Variants in ARMC1 observed in about 807,000 individuals in gnomAD.
ARMC1 encodes armadillo repeat-containing protein 1.
A neutral mutation model predicts 31.4 loss-of-function variants in ARMC1; 16 were observed. The observed-to-expected ratio is 0.51, with a 90% CI of 0.34 to 0.77. The LOEUF (loss-of-function observed/expected upper bound fraction) is 0.77, where lower values mean the gene tolerates loss of function less well. ARMC1 is among the 30% of genes least tolerant of loss of function. The pLI is 0.01. For missense variants in ARMC1, 259 were observed against 347.5 expected (o/e 0.75, Z 2.02); for synonymous variants, 114 against 118.9 (o/e 0.96, Z 0.27).
In ARMC1 at chr8:65,623,786, C is replaced by CTTTTTTTTT. The variant is rs201008780; in HGVS notation, c.184-1441_184-1433dup. On this transcript the variant is annotated intron_variant, in intron 2 of 6. Coordinates refer to ENST00000276569, the MANE Select transcript of ARMC1 (RefSeq NM_018120.6). ...ATGCCAGAAGACAACAAAGTAAAAT[C>CTTTTTTTTT]TTTTTTTTTTTTTTTTTTTTTTTTT... Among the ~76,000 whole-genome samples the CTTTTTTTTT allele has an allele frequency of 5.0e-3, 129 of 26,058 alleles. 25 individuals carry two copies. Among genetic ancestry groups the CTTTTTTTTT allele is most frequent in the South Asian group, 0.011 (5 of 472 alleles). 17.1% of individuals were successfully genotyped at this position (26,058 alleles called of 152,430 possible).
intron 1 of ARMC1, among the ~76,000 whole-genome samples, chr8:65,629,112 G>A (rs547349756): frequency 4.7e-5 from 7 of 149,158 alleles, no homozygotes; most frequent in Non-Finnish European, 8.9e-5. Context: ...CCGAGATTGC[G>A]CCATTGCACT....
At chr8:65,616,323 G>T (rs10097408) in intron 3 of ARMC1, among the ~76,000 whole-genome samples, 3 of 151,976 alleles carry the variant, frequency 2.0e-5, no homozygotes, top group Non-Finnish European at 4.4e-5. Context: ...TTGGTGGAGA[G>T]GGGGTTTCGC....
At chr8:65,628,391 ATTTTTTTTTTTTTTTTTTT>A (rs763494218) in intron 1 of ARMC1, among the ~76,000 whole-genome samples, 1 of 78,810 alleles carries the variant, frequency 1.3e-5, no homozygotes, top group Admixed American at 1.7e-4. Flanking sequence ...CGCCCGGCTA[ATTTTTTTTTTTTTTTTTTT>A]TTTTTTTTGT....
chr8:65,611,823 G>C (rs1808148274), intron 4 of ARMC1, among the ~76,000 whole-genome samples: 1 of 151,216 alleles, frequency 6.6e-6, no homozygotes, highest in Non-Finnish European at 1.5e-5. Context: ...ACTCAGGCTG[G>C]AGTGCAGTGG....
At chr8:65,615,635 A>T (rs1368421594) in intron 3 of ARMC1, among the ~76,000 whole-genome samples, 2 of 152,144 alleles carry the variant, frequency 1.3e-5, no homozygotes, top group Non-Finnish European at 2.9e-5. Flanking sequence ...TGGACCTGGG[A>T]GATGGAGGTT....
chr8:65,613,997 A>T (rs952225259), intron 3 of ARMC1, among the ~76,000 whole-genome samples: 31 of 151,956 alleles, frequency 2.0e-4, no homozygotes, highest in Non-Finnish European at 4.0e-4. Flanking sequence ...AAAAATAATC[A>T]AATACAAAAT....
chr8:65,622,369 G>A lies in ARMC1; in HGVS notation c.184-15C>T, dbSNP rs747004701. 6.2e-7 allele frequency: 1 copy of A among 1,605,544 alleles called. No homozygotes were observed. The stretch of plus-strand genomic sequence containing the variant: ...TATCGAAGAGCCTACAGCAGAAGAA[G>A]TAATAAGTTAATTCGTCTGTCCAGA... On this transcript the variant is annotated splice_polypyrimidine_tract_variant and intron_variant, in intron 2 of 6. Coordinates refer to ENST00000276569, the MANE Select transcript of ARMC1 (RefSeq NM_018120.6).
At chr8:65,629,908 G>A (rs1053838495) in intron 1 of ARMC1, among the ~76,000 whole-genome samples, 2 of 151,966 alleles carry the variant, frequency 1.3e-5, no homozygotes, top group African/African-American at 4.8e-5. Flanking sequence ...ACTTTGGGAG[G>A]ACAAAGCGGG....
At chr8:65,613,786 C>T (rs1394914306) in intron 3 of ARMC1, among the ~76,000 whole-genome samples, 1 of 152,038 alleles carries the variant, frequency 6.6e-6, no homozygotes, top group Non-Finnish European at 1.5e-5. Flanking sequence ...CATACTGAAA[C>T]CCCATCTCTA....
In ARMC1 at chr8:65,627,276, C is replaced by A. The variant is rs747930128; in HGVS notation, c.123G>T (p.Leu41=). The change falls in exon 2 of 7, where the codon CTG becomes CTT. Residue 41 remains leucine, a synonymous_variant. Coordinates refer to ENST00000276569, the MANE Select transcript of ARMC1 (RefSeq NM_018120.6). Reference sequence around the variant, plus strand: ...GGTCCATAAATAAAATAAGGCCAGGCAGACATCCCTGATCCTGGACGATGG... The same window carrying A: ...GGTCCATAAATAAAATAAGGCCAGGAAGACATCCCTGATCCTGGACGATGG... ...RRAIVQDQGC[L]PGLILFMDHP... 11 of 1,612,420 alleles carry A rather than the reference C, an allele frequency of 6.8e-6. No individual in the cohort carries two copies. The highest frequency in any genetic ancestry group is 1.1e-5 in the South Asian group (1 of 90,892).
intron 3 of ARMC1, among the ~76,000 whole-genome samples, chr8:65,617,749 G>A (rs1386308413): frequency 6.6e-6 from 1 of 151,922 alleles, no homozygotes; most frequent in Non-Finnish European, 1.5e-5. Flanking sequence ...CCGGGTGACA[G>A]GATAATTCAT....
intron 1 of ARMC1, among the ~76,000 whole-genome samples, chr8:65,632,023 G>T (rs1333331218): frequency 6.6e-6 from 1 of 152,114 alleles, no homozygotes; most frequent in Non-Finnish European, 1.5e-5. Flanking sequence ...TTTAAGATAG[G>T]GTCTCGCTCT....
rs1808513422 is a variant in ARMC1, at chr8:65,626,444, A to AG, written c.183+771_183+772insC. ...CATAGCTACATCCTATCTCTACTAA[A>AG]AAAAAAAAAAAAAATTTATTTATAA... is the stretch of plus-strand genomic sequence containing the variant. On this transcript the variant is annotated intron_variant, in intron 2 of 6. Transcript: ENST00000276569. Among the ~76,000 whole-genome samples, 5 of 150,202 alleles carry AG rather than the reference A, an allele frequency of 3.3e-5. No individual in the cohort carries two copies. The South Asian group carries it at 1.0e-3, about 31-fold the overall frequency.
rs552517589 is a variant in ARMC1, at chr8:65,628,746, A to T, written c.-35-1313T>A. Among the ~76,000 whole-genome samples, 19 of 151,526 alleles carry T rather than the reference A, an allele frequency of 1.3e-4. 1 individual carries two copies. In the South Asian group the frequency reaches 4.0e-3, roughly 32 times the overall value. ...GTGGCACGCACCTGTAATCCTAGCT[A>T]CTCGGGAGGCTGAGGCAGGAGAATT... On this transcript the variant is annotated intron_variant, in intron 1 of 6. Coordinates refer to ENST00000276569, the MANE Select transcript of ARMC1 (RefSeq NM_018120.6).
At chr8:65,613,043 T>C (rs1808176149) in intron 4 of ARMC1, among the ~76,000 whole-genome samples, 1 of 152,220 alleles carries the variant, frequency 6.6e-6, no homozygotes, top group African/African-American at 2.4e-5. Context: ...TTTTACTTCA[T>C]ATATTTCGAT....
chr8:65,623,891 GA>G (rs1469823054), intron 2 of ARMC1, among the ~76,000 whole-genome samples: 7 of 117,744 alleles, frequency 5.9e-5, no homozygotes, highest in Admixed American at 1.2e-4. Context: ...TCCACCCCCC[GA>G]GTTCAAGCGA....
chr8:65,604,541 G>A lies in ARMC1; in HGVS notation c.702C>T (p.Asn234=), dbSNP rs1382767430. 1.2e-6 allele frequency: 2 copies of A among 1,614,028 alleles called. No individual in the cohort carries two copies. Among genetic ancestry groups the A allele is most frequent in the East Asian group, 2.2e-5 (1 of 44,876 alleles). Residue 234 remains asparagine (N), a synonymous_variant, in exon 7 of 7, where the codon AAC becomes AAT. Coordinates refer to ENST00000276569, the MANE Select transcript of ARMC1 (RefSeq NM_018120.6). ...CAGGCAGGTAGTCAGGTAGCTCTGT[G>A]TTCTGTTCAACTTCCACAGGAGTAT... The part of the protein sequence containing the change: ...FQDTPVEVEQ[N]TELPDYLPED...
chr8:65,619,709 C>G (rs1036799389), intron 3 of ARMC1, among the ~76,000 whole-genome samples: 1 of 151,670 alleles, frequency 6.6e-6, no homozygotes, highest in Non-Finnish European at 1.5e-5. Context: ...TTAGGCCAGG[C>G]GCAGTGACTC....
intron 3 of ARMC1, 105 bp downstream of exon 3, chr8:65,622,158 G>C (rs919089138): frequency 3.6e-6 from 3 of 825,554 alleles, no homozygotes; most frequent in African/African-American, 1.7e-5. Context: ...GGAAAGCCAA[G>C]GTGGAAGGAT....
Sources: gnomAD v4.1 joint callset for allele counts (sites outside exome capture counted in the v4.1 genomes callset) on GRCh38, gnomAD v4.1.1 for gene constraint, MANE v1.5 for transcripts, NCBI Gene and HGNC (gene_info 2026-07-23, HGNC 2026-07-21) for gene names.